The following GLDC variants were observed in gnomAD, a reference collection of about 807,000 sequenced individuals.
The protein encoded by GLDC is glycine dehydrogenase (decarboxylating), mitochondrial.
A neutral mutation model predicts 121.3 loss-of-function variants in GLDC; 104 were observed. The ratio of observed to expected loss-of-function variants is 0.86; its 90% CI spans 0.73 to 1.01. The LOEUF is 1.01. Among genes scored for constraint, GLDC ranks in the 50% least tolerant of loss-of-function variants. The probability of loss-of-function intolerance (pLI) is 0.00; values close to 1 mark genes in which losing one functional copy is unlikely to be tolerated. For missense variants in GLDC, 1,429 were observed against 1,306.6 expected (o/e 1.09, Z -1.44); for synonymous variants, 546 against 480.6 (o/e 1.14, Z -1.78).
chr9:6,624,935 C>G (rs1015583838), intron 2 of GLDC, among the ~76,000 whole-genome samples: 1 of 151,550 alleles, frequency 6.6e-6, no homozygotes, highest in African/African-American at 2.4e-5. Flanking sequence ...TTGCAGTGAG[C>G]TGAGATCACG....
chr9:6,534,493 C>T (rs1817074361), intron 24 of GLDC, among the ~76,000 whole-genome samples: 1 of 151,936 alleles, frequency 6.6e-6, no homozygotes, highest in Non-Finnish European at 1.5e-5. Context: ...TTTTCCCCCA[C>T]TCTGTTCCCT....
chr9:6,558,671 G>A lies in GLDC; in HGVS notation c.1940C>T (p.Pro647Leu), dbSNP rs201135624. 52 of 1,614,114 alleles carry A rather than the reference G, an allele frequency of 3.2e-5. No homozygotes were observed. The highest frequency in any genetic ancestry group is 1.8e-4 in the Admixed American group (11 of 60,006). The change falls in exon 17 of 25, where the codon CCG (proline) becomes CTG (leucine). Residue 647 changes from proline to leucine, a missense_variant. Coordinates refer to ENST00000321612, the MANE Select transcript of GLDC (RefSeq NM_000170.3). ...TGGGTTGGTCCCATGTGCTGATTTCGGAATGAGGCAAACCTACAGAATAGA... is the reference window on the plus strand; with the variant it reads ...TGGGTTGGTCCCATGTGCTGATTTCAGAATGAGGCAAACCTACAGAATAGA... ...GEGHRTVCLI[P>L]KSAHGTNPAS...
intron 9 of GLDC, among the ~76,000 whole-genome samples, chr9:6,594,024 G>T (rs904101253): frequency 6.6e-6 from 1 of 151,442 alleles, no homozygotes; most frequent in African/African-American, 2.4e-5. Flanking sequence ...ATGTGGTCTC[G>T]CTCTTGCCCA....
intron 22 of GLDC, among the ~76,000 whole-genome samples, chr9:6,539,157 A>ATAC (rs1817199159): frequency 6.6e-6 from 1 of 152,092 alleles, no homozygotes; most frequent in African/African-American, 2.4e-5. Context: ...AAGATCCTTG[A>ATAC]TATTATTATC....
At chr9:6,571,260 C>A (rs563861244) in intron 15 of GLDC, among the ~76,000 whole-genome samples, 2 of 152,254 alleles carry the variant, frequency 1.3e-5, no homozygotes, top group South Asian at 2.1e-4. Context: ...CAGGAAATAT[C>A]TTCCGGGACA....
chr9:6,630,547 G>C (rs1819354911), intron 2 of GLDC, among the ~76,000 whole-genome samples: 1 of 152,136 alleles, frequency 6.6e-6, no homozygotes, highest in African/African-American at 2.4e-5. Flanking sequence ...ACTCATATTT[G>C]AATTTGCCCA....
At chr9:6,549,141 C>T (rs888027594) in intron 21 of GLDC, among the ~76,000 whole-genome samples, 1 of 152,214 alleles carries the variant, frequency 6.6e-6, no homozygotes, top group African/African-American at 2.4e-5. Flanking sequence ...AATCATACCT[C>T]AGTAAAAGCA....
At chr9:6,563,525 A>G (rs138219127) in intron 16 of GLDC, among the ~76,000 whole-genome samples, 46 of 152,290 alleles carry the variant, frequency 3.0e-4, no homozygotes, top group Admixed American at 1.6e-3. Flanking sequence ...AGAACATGGA[A>G]GCCATGAGGG....
intron 4 of GLDC, among the ~76,000 whole-genome samples, chr9:6,608,403 CAG>C (rs1180273567): frequency 6.9e-6 from 1 of 144,826 alleles, no homozygotes; most frequent in Non-Finnish European, 1.5e-5. Context: ...GCCTGAGTGA[CAG>C]AGTGAGACTC....
chr9:6,614,832 C>T (rs746505522), intron 3 of GLDC, among the ~76,000 whole-genome samples: 1 of 152,188 alleles, frequency 6.6e-6, no homozygotes, highest in Admixed American at 6.5e-5. Flanking sequence ...TACTACACAC[C>T]TAGGCTACGT....
chr9:6,602,021 G>T, intron 8 of GLDC, 88 bp downstream of exon 8: 1 of 856,702 alleles, frequency 1.2e-6, no homozygotes. Context: ...AGGAGGTGGT[G>T]AATAAATGAA....
At chr9:6,572,402 G>C (rs1190511712) in intron 15 of GLDC, among the ~76,000 whole-genome samples, 1 of 152,190 alleles carries the variant, frequency 6.6e-6, no homozygotes, top group Non-Finnish European at 1.5e-5. Context: ...GGTTTTCATT[G>C]GTGCTGAGTT....
intron 5 of GLDC, chr9:6,606,135 G>A (rs189739237): frequency 1.0e-3 from 189 of 189,450 alleles, no homozygotes; most frequent in South Asian, 3.0e-3. Flanking sequence ...GTGAAACTCC[G>A]TCTCTACTAA....
Position 6,610,335 on chromosome 9 carries a change from G to C in GLDC, c.492C>G (p.Tyr164Ter), listed in dbSNP as rs746124283. ...GCCTCCCCTGAGACACCTCAGGCTG[G>C]TATGGAGTATACTGGGTGATCCTGC... is the stretch of plus-strand genomic sequence containing the variant. ...NSGWITQYTP[Y>*]QPEVSQGRLE... The change falls in exon 4 of 25, where the codon TAC becomes TAG. Residue 164 changes from tyrosine to a stop codon, truncating the protein, a stop_gained. Transcript: ENST00000321612. LOFTEE classifies it high-confidence loss of function. The C allele has an allele frequency of 6.2e-7, 1 of 1,614,002 alleles. No individual in the cohort carries two copies. The highest frequency in any genetic ancestry group is 2.2e-5 in the East Asian group (1 of 44,884).
At chr9:6,576,537 G>T (rs181551904) in intron 15 of GLDC, among the ~76,000 whole-genome samples, 167 of 152,234 alleles carry the variant, frequency 1.1e-3, no homozygotes, top group African/African-American at 3.8e-3. Flanking sequence ...TGCGATCTTG[G>T]CTCACTGCAA....
intron 17 of GLDC, 108 bp from the exon 18 acceptor site, chr9:6,556,410 T>G: frequency 1.1e-6 from 1 of 920,270 alleles, no homozygotes; most frequent in Non-Finnish European, 1.8e-6. Flanking sequence ...AGTCTCAGTC[T>G]TTACTTTCCT....
Position 6,558,554 on chromosome 9 carries a change from A to G in GLDC, c.2052+5T>C, listed in dbSNP as rs1159397909. ...TCTCCCATCTGCTAAGGAGAAGACA[A>G]GTACCATGGCCTTGAGGTGAACTGC... On this transcript the variant is annotated splice_donor_5th_base_variant and intron_variant, in intron 17 of 24. Transcript: ENST00000321612. 7 of 1,614,194 alleles carry G rather than the reference A, an allele frequency of 4.3e-6. No homozygotes were observed. In the South Asian group the frequency reaches 7.7e-5, roughly 18 times the overall value.
intron 2 of GLDC, among the ~76,000 whole-genome samples, chr9:6,636,645 A>G (rs543192589): frequency 1.3e-5 from 2 of 152,090 alleles, no homozygotes; most frequent in African/African-American, 4.8e-5. Context: ...GCATGGTGGC[A>G]TGCGCCTGTA....
chr9:6,549,348 G>A (rs967738195), intron 21 of GLDC, among the ~76,000 whole-genome samples: 21 of 149,262 alleles, frequency 1.4e-4, no homozygotes, highest in African/African-American at 2.7e-4. Flanking sequence ...CAGCTGCTCC[G>A]GGGTGGGGTC....
Sources: allele counts gnomAD v4.1 joint callset (sites outside exome capture counted in the v4.1 genomes callset), GRCh38; gene constraint gnomAD v4.1.1; transcripts MANE v1.5; gene names NCBI Gene and HGNC (gene_info 2026-07-23, HGNC 2026-07-21).